Variants in TMEM8B observed in about 807,000 individuals in gnomAD.
The protein encoded by TMEM8B is nasopharyngeal carcinoma expressed 6.
TMEM8B carries 29 observed loss-of-function variants against 49.3 expected under a neutral mutation model. That is an observed-to-expected ratio of 0.59 (90% CI 0.44 to 0.80). TMEM8B has a LOEUF of 0.80. Ranked by LOEUF, TMEM8B falls within the 30% of genes least tolerant of loss-of-function variation. TMEM8B has a pLI of 0.00. For missense variants in TMEM8B, 575 were observed against 658.5 expected, an observed-to-expected ratio of 0.87 and a Z score of 1.39; for synonymous variants, 264 against 272.8, an observed-to-expected ratio of 0.97 and a Z score of 0.32.
chr9:35,834,534 C>G lies in TMEM8B; in HGVS notation c.582C>G (p.Thr194=), dbSNP rs543865814. ...GTCCTTTCCGCTCCTTTGCCAGCAC[C>G]GAGCTCTTCCACTTCCATGTTCCTG... ...KLSPFRSFAS[T]ELFHFHVPED... is the part of the protein sequence containing the mutation. The change falls in exon 2 of 13, where the codon ACC becomes ACG. Residue 194 remains threonine (T), a synonymous_variant. Transcript: ENST00000643932. 6.2e-5 allele frequency: 26 copies of G among 416,374 alleles called. No individual in the cohort carries two copies. Among genetic ancestry groups the G allele is most frequent in the African/African-American group, 5.1e-4 (25 of 48,696 alleles). The allele number at this position is 416,374 out of a possible 1,614,324, so 25.8% of individuals were successfully genotyped here.
rs1832700437 is a variant in TMEM8B at position 35,864,379 on chromosome 9, A to G, written c.*10539A>G. ...AAAAGATAGGGGCATAACAAGAAGA[A>G]AGCTTCGGTTACAATTTCCCCGAAA... On this transcript the variant is annotated 3_prime_UTR_variant, in exon 13 of 13. Transcript: ENST00000643932. The G allele has an allele frequency of 2.0e-5, 3 of 152,248 alleles. No individual in the cohort carries two copies. The highest frequency in any genetic ancestry group is 1.3e-4 in the Admixed American group (2 of 15,286). The allele number at this position is 152,248 out of a possible 1,614,324, so 9.4% of individuals were successfully genotyped here. A position where few individuals can be genotyped will look rare whatever the true frequency, so the allele number is the denominator to read the frequency against.
At chr9:35,833,399 G>A (rs1830107619) in intron 1 of TMEM8B, 2 of 984,560 alleles carry the variant, frequency 2.0e-6, no homozygotes, top group Non-Finnish European at 2.4e-6. Flanking sequence ...AGATTCCCTA[G>A]AGGTTTACTT....
At chr9:35,833,069 A>T (rs1000480699) in intron 1 of TMEM8B, among the ~76,000 whole-genome samples, 5 of 152,032 alleles carry the variant, frequency 3.3e-5, no homozygotes, top group African/African-American at 1.2e-4. Flanking sequence ...GCCCCCACCT[A>T]TGTAGGGCAG....
chr9:35,839,920 C>G (rs1830805840), intron 3 of TMEM8B, among the ~76,000 whole-genome samples: 1 of 152,212 alleles, frequency 6.6e-6, no homozygotes, highest in South Asian at 2.1e-4. Flanking sequence ...GCAAAAGGCA[C>G]AGACCTTCCA....
chr9:35,842,830 C>G lies in TMEM8B; in HGVS notation c.1635+113C>G. On this transcript the variant is annotated intron_variant, in intron 6 of 12. Transcript: ENST00000643932. The surrounding 1 kb of genome is among the most constrained non-coding windows in gnomAD (Gnocchi z 5.6). ...GGAAGCCTGTCCAGGTTGCTCCCAC[C>G]CATCCTGACAATTAGGGACCATGGC... 8.7e-7 allele frequency: 1 copy of G among 1,144,412 alleles called. No homozygotes were observed. Among genetic ancestry groups the G allele is most frequent in the Non-Finnish European group, 1.2e-6 (1 of 830,898 alleles). 70.9% of individuals were successfully genotyped at this position (1,144,412 alleles called of 1,614,324 possible).
At position 35,829,533 on chromosome 9, in the gene TMEM8B, G is replaced by T. The variant is rs1178272940; in HGVS notation, c.86G>T (p.Arg29Leu). Reference protein sequence around the residue: ...PAPPSPRFPHRPQPLPGSPSR... With the variant: ...PAPPSPRFPHLPQPLPGSPSR... ...CCGCCCTCGCCCCGCTTCCCACATC[G>T]GCCCCAGCCCCTGCCTGGGTCCCCA... Residue 29 changes from arginine (R) to leucine (L), a missense_variant, in exon 1 of 13, where the codon CGG becomes CTG. Transcript: ENST00000643932. The T allele has an allele frequency of 1.4e-4, 16 of 115,008 alleles. No individual in the cohort carries two copies. The highest frequency in any genetic ancestry group is 2.4e-4 in the Non-Finnish European group (15 of 63,120). 7.1% of individuals were successfully genotyped at this position (115,008 alleles called of 1,614,324 possible).
At chr9:35,847,476 C>G (rs1831717529) in intron 10 of TMEM8B, among the ~76,000 whole-genome samples, 1 of 152,238 alleles carries the variant, frequency 6.6e-6, no homozygotes, top group Admixed American at 6.5e-5. Context: ...CACTGGGGAC[C>G]TGCACATCGT....
Position 35,846,937 on chromosome 9 carries a change from T to C in TMEM8B, c.2117T>C (p.Ile706Thr), listed in dbSNP as rs759276138. The C allele has an allele frequency of 3.7e-6, 6 of 1,614,106 alleles. No individual in the cohort carries two copies. In the South Asian group the frequency reaches 4.4e-5, roughly 12 times the overall value. The change falls in exon 10 of 13, where the codon ATT becomes ACT. Residue 706 changes from isoleucine to threonine, a missense_variant. By Grantham distance (89) the Ile-to-Thr change is moderately conservative. Transcript: ENST00000643932. ...TTTCTGCCACCTGTGGTCCTGGCCATTCGGAGTCGATATGTGCTGGAAGCT... is the reference window on the plus strand; with the variant it reads ...TTTCTGCCACCTGTGGTCCTGGCCACTCGGAGTCGATATGTGCTGGAAGCT... ...LMFLPPVVLA[I>T]RSRYVLEAAV...
At position 35,853,606 on chromosome 9, in the gene TMEM8B, G is replaced by C; in HGVS notation, c.2541G>C (p.Leu847=). Residue 847 remains leucine (L), a synonymous_variant, in exon 13 of 13, where the codon CTG becomes CTC. Transcript: ENST00000643932. This position sits in a 1 kb window ranked among gnomAD's most constrained non-coding sequence, Gnocchi z 4.2. Reference sequence around the variant, plus strand: ...GCCTTATTGCAGGCAGTGCCGTCCTGCTTTATGCTTTTGTGGAGACCCGGG... The same window carrying C: ...GCCTTATTGCAGGCAGTGCCGTCCTCCTTTATGCTTTTGTGGAGACCCGGG... ...PGSLIAGSAV[L]LYAFVETRDN... The C allele has an allele frequency of 6.2e-7, 1 of 1,614,244 alleles. No individual in the cohort carries two copies. The highest frequency in any genetic ancestry group is 8.5e-7 in the Non-Finnish European group (1 of 1,180,046).
In TMEM8B at chr9:35,846,909, A is replaced by G; in HGVS notation, c.2089A>G (p.Met697Val). The G allele has an allele frequency of 6.8e-6, 11 of 1,614,138 alleles. No homozygotes were observed. Among genetic ancestry groups the G allele is most frequent in the South Asian group, 1.1e-5 (1 of 91,078 alleles). ...ACTCCTGCTCTGCCTGAGCAACCTC[A>G]TGTTTCTGCCACCTGTGGTCCTGGC... is the stretch of plus-strand genomic sequence containing the variant. The part of the protein sequence containing the change: ...STLLLCLSNL[M>V]FLPPVVLAIR... Residue 697 changes from methionine (M) to valine (V), a missense_variant, in exon 10 of 13, where the codon ATG becomes GTG. Coordinates refer to ENST00000643932, the MANE Select transcript of TMEM8B (RefSeq NM_001042590.4).
In TMEM8B at chr9:35,844,929, C is replaced by A. The variant is rs12338400; in HGVS notation, c.1636-1046C>A. ...AAATATTTTGATTTTTTTTTCTCCC[C>A]TTGGATCAAGAACTGGACATTTGGA... On this transcript the variant is annotated intron_variant, in intron 6 of 12. Coordinates refer to ENST00000643932, the MANE Select transcript of TMEM8B (RefSeq NM_001042590.4). 9.8e-3 allele frequency among the ~76,000 whole-genome samples: 1,486 copies of A among 152,172 alleles called. 32 individuals are homozygous for A. The highest frequency in any genetic ancestry group is 0.034 in the African/African-American group (1,399 of 41,510).
chr9:35,856,860 T>G lies in TMEM8B; in HGVS notation c.*3020T>G, dbSNP rs1832560228. On this transcript the variant is annotated 3_prime_UTR_variant, in exon 13 of 13. Transcript: ENST00000643932. ...GAAGATGAGCTCCACTTTGGACAGT[T>G]TGAGGTGCATGTGGGATTCCCGGAG... The G allele has an allele frequency of 6.6e-6, 1 of 152,082 alleles. No homozygotes were observed. Among genetic ancestry groups the G allele is most frequent in the Non-Finnish European group, 1.5e-5 (1 of 68,020 alleles). The allele number at this position is 152,082 out of a possible 1,614,324, so 9.4% of individuals were successfully genotyped here. A position where few individuals can be genotyped will look rare whatever the true frequency, so the allele number is the denominator to read the frequency against.
intron 6 of TMEM8B, among the ~76,000 whole-genome samples, chr9:35,843,728 TGGAAAATAGG>T (rs1564030290): frequency 2.0e-5 from 3 of 152,202 alleles, no homozygotes; most frequent in African/African-American, 7.2e-5. Flanking sequence ...ATAAAAACTT[TGGAAAATAGG>T]GGAAAATATC....
At position 35,854,440 on chromosome 9, in the gene TMEM8B, A is replaced by C. The variant is rs7035913; in HGVS notation, c.*600A>C. On this transcript the variant is annotated 3_prime_UTR_variant, in exon 13 of 13. Coordinates refer to ENST00000643932, the MANE Select transcript of TMEM8B (RefSeq NM_001042590.4). Reference sequence around the variant, plus strand: ...TTGATTGGTTCAGAATGGTTCTGTGATGCCTTTTTTCCCCCTGGGGTCAGG... The same window carrying C: ...TTGATTGGTTCAGAATGGTTCTGTGCTGCCTTTTTTCCCCCTGGGGTCAGG... 0.26 allele frequency: 39,571 copies of C among 152,068 alleles called. 5,567 individuals are homozygous for C. Among genetic ancestry groups the C allele is most frequent in the Non-Finnish European group, 0.32 (21,422 of 67,958 alleles). The allele number at this position is 152,068 out of a possible 1,614,324, so 9.4% of individuals were successfully genotyped here.
At chr9:35,843,727 T>G (rs1250519839) in intron 6 of TMEM8B, among the ~76,000 whole-genome samples, 1 of 152,226 alleles carries the variant, frequency 6.6e-6, no homozygotes, top group African/African-American at 2.4e-5. Context: ...CATAAAAACT[T>G]TGGAAAATAG....
Position 35,853,276 on chromosome 9 carries a change from G to A in TMEM8B, c.2439+19G>A. ...AGCCTGGGTAAGGGTGGGGAGGGAT[G>A]TGGGGGGAGGGTCCCAGCAGGACTT... On this transcript the variant is annotated intron_variant, in intron 12 of 12. Transcript: ENST00000643932. This position sits in a 1 kb window ranked among gnomAD's most constrained non-coding sequence, Gnocchi z 4.2. 1 of 1,595,792 alleles carries A rather than the reference G, an allele frequency of 6.3e-7. No individual in the cohort carries two copies. Among genetic ancestry groups the A allele is most frequent in the South Asian group, 1.1e-5 (1 of 90,656 alleles).
rs1471278162 is a variant in TMEM8B, at chr9:35,829,828, G to C, written c.381G>C (p.Lys127Asn). 2.4e-6 allele frequency: 1 copy of C among 416,164 alleles called. No homozygotes were observed. The highest frequency in any genetic ancestry group is 3.6e-5 in the East Asian group (1 of 28,102). 25.8% of individuals were successfully genotyped at this position (416,164 alleles called of 1,614,324 possible). A position where few individuals can be genotyped will look rare whatever the true frequency, so the allele number is the denominator to read the frequency against. Residue 127 changes from lysine (K) to asparagine (N), a missense_variant, in exon 1 of 13, where the codon AAG (lysine) becomes AAC (asparagine). Transcript: ENST00000643932. ...QPLPSSLCLP[K>N]SLPLVPPISH... ...TGCCCTCATCTCTGTGTTTACCCAAGTCTCTCCCTCTAGTCCCCCCTATCT... is the reference window on the plus strand; with the variant it reads ...TGCCCTCATCTCTGTGTTTACCCAACTCTCTCCCTCTAGTCCCCCCTATCT...
chr9:35,846,340 C>G lies in TMEM8B; in HGVS notation c.1812C>G (p.Thr604=). ...GAATCCCATTCCCGCAGACGGGGAC[C>G]TGGTTCCTGGCCCTCCGCTCCCTGT... is the stretch of plus-strand genomic sequence containing the variant. The part of the protein sequence containing the change: ...RLRIPFPQTG[T]WFLALRSLCG... Residue 604 remains threonine (T), a synonymous_variant, in exon 8 of 13, where the codon ACC becomes ACG. Coordinates refer to ENST00000643932, the MANE Select transcript of TMEM8B (RefSeq NM_001042590.4). 1.2e-6 allele frequency: 2 copies of G among 1,614,130 alleles called. No individual in the cohort carries two copies. Among genetic ancestry groups the G allele is most frequent in the South Asian group, 2.2e-5 (2 of 91,092 alleles).
chr9:35,841,242 C>G lies in TMEM8B; in HGVS notation c.1015C>G (p.Pro339Ala). 2.4e-6 allele frequency: 1 copy of G among 416,220 alleles called. No individual in the cohort carries two copies. The highest frequency in any genetic ancestry group is 4.4e-6 in the Non-Finnish European group (1 of 226,764). 25.8% of individuals were successfully genotyped at this position (416,220 alleles called of 1,614,324 possible). The change falls in exon 4 of 13, where the codon CCA becomes GCA. Residue 339 changes from proline to alanine, a missense_variant. Pro to Ala is a conservative substitution (Grantham distance 27). Coordinates refer to ENST00000643932, the MANE Select transcript of TMEM8B (RefSeq NM_001042590.4). The surrounding 1 kb of genome is among the most constrained non-coding windows in gnomAD (Gnocchi z 5.9). The part of the protein sequence containing the change: ...PGRPSEQTLS[P>A]HNRSALYKVF... ...CCGGCCCTCAGAGCAAACCCTCTCC[C>G]CACACAATCGCTCAGCCCTGTACAA...
Sources: allele counts gnomAD v4.1 joint callset (sites outside exome capture counted in the v4.1 genomes callset), GRCh38; gene constraint gnomAD v4.1.1; non-coding constraint Gnocchi (gnomAD v3.1); transcripts MANE v1.5; gene names NCBI Gene and HGNC (gene_info 2026-07-23, HGNC 2026-07-21).